The following ESAM variants were observed in gnomAD, a reference collection of about 807,000 sequenced individuals.
ESAM encodes endothelial cell adhesion molecule.
In ESAM, 23 loss-of-function variants were observed where a neutral mutation model predicts 31.8. That is an observed-to-expected ratio of 0.72 (90% CI 0.52 to 1.03). The LOEUF (loss-of-function observed/expected upper bound fraction) is 1.03, where lower values mean the gene tolerates loss of function less well. ESAM is among the 50% of genes least tolerant of loss of function. The pLI is 0.00. For synonymous variants in ESAM, 216 were observed against 207.2 expected (o/e 1.04, Z -0.37); for missense variants, 478 against 488.9 (o/e 0.98, Z 0.21).
intron 1 of ESAM, among the ~76,000 whole-genome samples, chr11:124,760,416 C>A (rs1001170168): frequency 6.6e-6 from 1 of 152,238 alleles, no homozygotes; most frequent in African/African-American, 2.4e-5. Flanking sequence ...CGAAGGAGAG[C>A]GAAATGGGCC....
rs1046329743 is a variant in ESAM at position 124,756,633 on chromosome 11, T to G, written c.359A>C (p.Asp120Ala). The G allele has an allele frequency of 1.2e-6, 2 of 1,613,742 alleles. No individual in the cohort carries two copies. Among genetic ancestry groups the G allele is most frequent in the African/African-American group, 2.7e-5 (2 of 74,788 alleles). The change falls in exon 3 of 7, where the codon GAC (aspartate) becomes GCC (alanine). Residue 120 changes from aspartate (D) to alanine (A), a missense_variant. Transcript: ENST00000278927. Reference sequence around the variant, plus strand: ...CACGGAGCAGCTGTAGGGGCCAGAGTCTTTCTCCTGGAGACCCTCCAGCCG... The same window carrying G: ...CACGGAGCAGCTGTAGGGGCCAGAGGCTTTCTCCTGGAGACCCTCCAGCCG... ...SLRLEGLQEK[D>A]SGPYSCSVNV... is the part of the protein sequence containing the mutation.
At chr11:124,758,897 G>T (rs533361016) in intron 1 of ESAM, among the ~76,000 whole-genome samples, 1 of 152,204 alleles carries the variant, frequency 6.6e-6, no homozygotes. Flanking sequence ...TGTCGTACGC[G>T]CCACGTAGCC....
At position 124,754,206 on chromosome 11, in the gene ESAM, A is replaced by G; in HGVS notation, c.857+8T>C. 6.2e-7 allele frequency: 1 copy of G among 1,613,392 alleles called. No homozygotes were observed. The highest frequency in any genetic ancestry group is 1.3e-5 in the African/African-American group (1 of 75,006). ...GCCCCCGCTGCAGCAGACACCAGGG[A>G]CACTTACTTGATATCATTGGCTGGC... On this transcript the variant is annotated splice_region_variant and intron_variant, in intron 6 of 6. Transcript: ENST00000278927. This position sits in a 1 kb window ranked among gnomAD's most constrained non-coding sequence, Gnocchi z 4.5.
At chr11:124,756,931 A>C in intron 2 of ESAM, 189 bp from the exon 3 acceptor site, 1 of 609,424 alleles carries the variant, frequency 1.6e-6, no homozygotes, top group East Asian at 2.8e-5. Context: ...GGTCCTCTTC[A>C]CCAGAACAGT....
chr11:124,757,311 G>C (rs1400543311), intron 2 of ESAM: 1 of 156,770 alleles, frequency 6.4e-6, no homozygotes, highest in Non-Finnish European at 1.4e-5. Context: ...TGTGCTTGTA[G>C]TCCCAGCTAC....
At position 124,762,230 on chromosome 11, in the gene ESAM, A is replaced by G. The variant is rs878965111; in HGVS notation, c.-76T>C. ...GACCTGCAGGTGCCGAGGCTGCGCG[A>G]CGGCCGGAGCGTGCGCGGGAGCCGA... On this transcript the variant is annotated 5_prime_UTR_variant, in exon 1 of 7. Coordinates refer to ENST00000278927, the MANE Select transcript of ESAM (RefSeq NM_138961.3). This position sits in a 1 kb window ranked among gnomAD's most constrained non-coding sequence, Gnocchi z 6.4. The G allele has an allele frequency of 1.5e-5, 18 of 1,204,802 alleles. No individual in the cohort carries two copies. In the South Asian group the frequency reaches 2.8e-4, roughly 19 times the overall value. The allele number at this position is 1,204,802 out of a possible 1,614,324, so 74.6% of individuals were successfully genotyped here.
In ESAM at chr11:124,754,157, G is replaced by T; in HGVS notation, c.857+57C>A. ...TAGATGAGAGCTGCCTGAATTCCCA[G>T]CCTCTGTGAGGAGAGCTGGGAGAGC... On this transcript the variant is annotated intron_variant, in intron 6 of 6. Coordinates refer to ENST00000278927, the MANE Select transcript of ESAM (RefSeq NM_138961.3). The surrounding 1 kb of genome is among the most constrained non-coding windows in gnomAD (Gnocchi z 4.5). 1 of 1,590,084 alleles carries T rather than the reference G, an allele frequency of 6.3e-7. No individual in the cohort carries two copies. The highest frequency in any genetic ancestry group is 8.6e-7 in the Non-Finnish European group (1 of 1,167,818).
At chr11:124,755,992 A>G (rs558554793) in intron 4 of ESAM, among the ~76,000 whole-genome samples, 38 of 152,350 alleles carry the variant, frequency 2.5e-4, no homozygotes, top group African/African-American at 8.4e-4. Flanking sequence ...CCAGCTGTAG[A>G]GCCTGTTTCA....
At position 124,754,797 on chromosome 11, in the gene ESAM, C is replaced by G; in HGVS notation, c.608-34G>C. ...ACAATTTAGCCATCAGTCCAGGGACCCTCTTTCCCATTAAAAAAAAAAAAA... is the reference window on the plus strand; with the variant it reads ...ACAATTTAGCCATCAGTCCAGGGACGCTCTTTCCCATTAAAAAAAAAAAAA... On this transcript the variant is annotated intron_variant, in intron 4 of 6. Coordinates refer to ENST00000278927, the MANE Select transcript of ESAM (RefSeq NM_138961.3). The surrounding 1 kb of genome is among the most constrained non-coding windows in gnomAD (Gnocchi z 4.5). 6.4e-7 allele frequency: 1 copy of G among 1,556,010 alleles called. No homozygotes were observed. The highest frequency in any genetic ancestry group is 1.2e-5 in the South Asian group (1 of 82,416).
rs7109996 is a variant in ESAM, at chr11:124,759,619, A to C, written c.71-1092T>G. Among the ~76,000 whole-genome samples, 5,700 of 152,336 alleles carry C rather than the reference A, an allele frequency of 0.037. 365 individuals are homozygous for C. The highest frequency in any genetic ancestry group is 0.13 in the African/African-American group (5,332 of 41,568). On this transcript the variant is annotated intron_variant, in intron 1 of 6. Transcript: ENST00000278927. The surrounding 1 kb of genome is among the most constrained non-coding windows in gnomAD (Gnocchi z 6.8). The stretch of plus-strand genomic sequence containing the variant: ...TCTCCACCCTCGCCCTAGGAGAGCC[A>C]GGCTGAAGGCCTCTAAGGGCTGGGA...
rs202114064 is a variant in ESAM, at chr11:124,754,251, G to A, written c.820C>T (p.Arg274Trp). 52 of 1,613,932 alleles carry A rather than the reference G, an allele frequency of 3.2e-5. No homozygotes were observed. The highest frequency in any genetic ancestry group is 1.6e-4 in the African/African-American group (12 of 74,990). ...LAGLVLLYHR[R>W]GKALEEPAND... Reference sequence around the variant, plus strand: ...GCTGGCTCCTCCAGGGCCTTGCCCCGGCGGTGGTACAAGAGGACCAGCCCA... The same window carrying A: ...GCTGGCTCCTCCAGGGCCTTGCCCCAGCGGTGGTACAAGAGGACCAGCCCA... The change falls in exon 6 of 7, where the codon CGG (arginine) becomes TGG (tryptophan). Residue 274 changes from arginine (R) to tryptophan (W), a missense_variant. Transcript: ENST00000278927. This position sits in a 1 kb window ranked among gnomAD's most constrained non-coding sequence, Gnocchi z 4.5.
chr11:124,758,833 A>G (rs1490761490), intron 1 of ESAM, among the ~76,000 whole-genome samples: 3 of 152,216 alleles, frequency 2.0e-5, no homozygotes, highest in Non-Finnish European at 2.9e-5. Context: ...GAGAGGGGGC[A>G]GATTTCCAGC....
chr11:124,756,343 G>A lies in ESAM; in HGVS notation c.471C>T (p.Ser157=). Residue 157 remains serine, a synonymous_variant, in exon 4 of 7, where the codon TCC becomes TCT. Coordinates refer to ENST00000278927, the MANE Select transcript of ESAM (RefSeq NM_138961.3). ...LNVLVPPAPP[S]CRLQGVPHVG... ...CATGGGGCACACCCTGGAGACGGCA[G>A]GATGGAGGAGCTGGAGGAACTGGGC... 4.4e-6 allele frequency: 7 copies of A among 1,607,082 alleles called. No homozygotes were observed. The highest frequency in any genetic ancestry group is 5.1e-6 in the Non-Finnish European group (6 of 1,176,504).
rs1290626113 is a variant in ESAM at position 124,756,714 on chromosome 11, G to A, written c.278C>T (p.Thr93Ile). Reference protein sequence around the residue: ...QVLSYINGVTTSKPGVSLVYS... With the variant: ...QVLSYINGVTISKPGVSLVYS... ...GACCAAGGATACTCCAGGTTTGCTT[G>A]TTGTGACCCCATTGATGTAGGACAA... is the stretch of plus-strand genomic sequence containing the variant. Residue 93 changes from threonine (T) to isoleucine (I), a missense_variant, in exon 3 of 7, where the codon ACA becomes ATA. By Grantham distance (89) the Thr-to-Ile change is moderately conservative (BLOSUM62 -1). Transcript: ENST00000278927. 1.2e-6 allele frequency: 2 copies of A among 1,614,174 alleles called. No homozygotes were observed. The highest frequency in any genetic ancestry group is 1.1e-5 in the South Asian group (1 of 91,082).
rs1171035369 is a variant in ESAM at position 124,753,657 on chromosome 11, A to G, written c.1162T>C (p.Ser388Pro). 1.9e-6 allele frequency: 3 copies of G among 1,613,666 alleles called. No individual in the cohort carries two copies. The highest frequency in any genetic ancestry group is 1.7e-5 in the Admixed American group (1 of 60,028). ...VMVPAQSQAG[S>P]LV Reference sequence around the variant, plus strand: ...GAGTGGTGGGGTCATCATACCAGAGAGCCAGCTTGACTCTGGGCAGGCACC... The same window carrying G: ...GAGTGGTGGGGTCATCATACCAGAGGGCCAGCTTGACTCTGGGCAGGCACC... Residue 388 changes from serine (S) to proline (P), a missense_variant, in exon 7 of 7, where the codon TCT becomes CCT. Coordinates refer to ENST00000278927, the MANE Select transcript of ESAM (RefSeq NM_138961.3).
intron 2 of ESAM, 34 bp downstream of exon 2, chr11:124,758,315 A>G (rs1944180918): frequency 6.2e-7 from 1 of 1,613,744 alleles, no homozygotes; most frequent in East Asian, 2.2e-5. Flanking sequence ...TCTGGGCGCA[A>G]CTTGCCGCTG....
Position 124,754,031 on chromosome 11 carries a change from G to C in ESAM, c.858-70C>G. The C allele has an allele frequency of 6.3e-7, 1 of 1,575,354 alleles. No individual in the cohort carries two copies. Among genetic ancestry groups the C allele is most frequent in the South Asian group, 1.2e-5 (1 of 86,830 alleles). ...AGGAGGAGAGAGTTTCTACCTGCTT[G>C]GTCTTATATACCACCTCTGCCTGCA... On this transcript the variant is annotated intron_variant, in intron 6 of 6. Transcript: ENST00000278927. This position sits in a 1 kb window ranked among gnomAD's most constrained non-coding sequence, Gnocchi z 4.5.
chr11:124,759,532 G>GC lies in ESAM; in HGVS notation c.71-1006dup, dbSNP rs1237238428. The GC allele has an allele frequency of 6.6e-6, 1 of 152,392 alleles. No homozygotes were observed. The highest frequency in any genetic ancestry group is 1.5e-5 in the Non-Finnish European group (1 of 68,182). The allele number at this position is 152,392 out of a possible 1,614,324, so 9.4% of individuals were successfully genotyped here. A position where few individuals can be genotyped will look rare whatever the true frequency, so the allele number is the denominator to read the frequency against. ...GGCCCTCTGCCTCGGAGCGGAAGAC[G>GC]CCACCTCCGCGTGGCGAGCAGGCGG... On this transcript the variant is annotated intron_variant, in intron 1 of 6. Transcript: ENST00000278927. This position sits in a 1 kb window ranked among gnomAD's most constrained non-coding sequence, Gnocchi z 6.8.
At position 124,758,492 on chromosome 11, in the gene ESAM, G is replaced by T. The variant is rs767234688; in HGVS notation, c.106C>A (p.Pro36Thr). Reference protein sequence around the residue: ...PSRAQLQLHLPANRLQAVEGG... With the variant: ...PSRAQLQLHLTANRLQAVEGG... The stretch of plus-strand genomic sequence containing the variant: ...TCCACCGCCTGCAACCGGTTGGCGG[G>T]CAAGTGCAGTTGCAGCTGGGCCCGC... Residue 36 changes from proline (P) to threonine (T), a missense_variant, in exon 2 of 7, where the codon CCC (proline) becomes ACC (threonine). Coordinates refer to ENST00000278927, the MANE Select transcript of ESAM (RefSeq NM_138961.3). 27 of 1,604,290 alleles carry T rather than the reference G, an allele frequency of 1.7e-5. No individual in the cohort carries two copies. The Middle Eastern group carries it at 8.3e-4, about 49-fold the overall frequency.
Sources: allele counts gnomAD v4.1 joint callset (sites outside exome capture counted in the v4.1 genomes callset), GRCh38; gene constraint gnomAD v4.1.1; non-coding constraint Gnocchi (gnomAD v3.1); transcripts MANE v1.5; gene names NCBI Gene and HGNC (gene_info 2026-07-23, HGNC 2026-07-21).